PITPNB: variants seen among roughly 807,000 people sequenced by gnomAD.
The protein encoded by PITPNB is phosphatidylinositol transfer protein beta.
PITPNB carries 16 observed loss-of-function variants against 45.9 expected under a neutral mutation model. The ratio of observed to expected loss-of-function variants is 0.35; its 90% CI spans 0.24 to 0.53. PITPNB has a LOEUF of 0.53. Ranked by LOEUF, PITPNB falls within the 20% of genes least tolerant of loss-of-function variation. The pLI is 0.93. For missense variants in PITPNB, 188 were observed against 330.5 expected (o/e 0.57, Z 3.34); for synonymous variants, 112 against 108.9 (o/e 1.03, Z -0.18).
chr22:27,886,526 GCCATGAGTCAAATC>G (rs1474399623), intron 7 of PITPNB, among the ~76,000 whole-genome samples: 6 of 152,178 alleles, frequency 3.9e-5, no homozygotes, highest in Non-Finnish European at 8.8e-5. Flanking sequence ...ATTCAGTTAT[GCCATGAGTCAAATC>G]CCATCTCTTC....
intron 3 of PITPNB, chr22:27,910,459 G>C (rs924040832): frequency 6.6e-6 from 1 of 152,574 alleles, no homozygotes; most frequent in Admixed American, 6.5e-5. Flanking sequence ...GACTTACAAC[G>C]TAGGGAATGG....
At chr22:27,874,213 T>C (rs1015926136) in intron 7 of PITPNB, among the ~76,000 whole-genome samples, 1 of 152,192 alleles carries the variant, frequency 6.6e-6, no homozygotes, top group African/African-American at 2.4e-5. Flanking sequence ...ATGATGACAC[T>C]GGACTGTTAA....
chr22:27,866,135 A>G (rs192566286), intron 8 of PITPNB, among the ~76,000 whole-genome samples: 2 of 152,378 alleles, frequency 1.3e-5, no homozygotes, highest in African/African-American at 2.4e-5. Context: ...AGAACAATCA[A>G]AAGTTCTACA....
chr22:27,860,535 A>G (rs749185180), intron 8 of PITPNB: 6 of 237,728 alleles, frequency 2.5e-5, no homozygotes, highest in Non-Finnish European at 5.1e-5. Flanking sequence ...TTCTATTCAC[A>G]TCAAACCAAT....
intron 7 of PITPNB, among the ~76,000 whole-genome samples, chr22:27,882,298 T>TA (rs1170433363): frequency 2.0e-5 from 3 of 152,028 alleles, no homozygotes; most frequent in East Asian, 1.9e-4. Flanking sequence ...GATTGCTCAC[T>TA]AAAAAAACTC....
chr22:27,875,216 C>A (rs1163936041), intron 7 of PITPNB, among the ~76,000 whole-genome samples: 1 of 152,230 alleles, frequency 6.6e-6, no homozygotes, highest in Non-Finnish European at 1.5e-5. Flanking sequence ...ACAAAAAGGA[C>A]CAACAATAAG....
At chr22:27,870,384 G>C (rs576103436) in intron 8 of PITPNB, among the ~76,000 whole-genome samples, 10 of 152,280 alleles carry the variant, frequency 6.6e-5, no homozygotes, top group African/African-American at 1.9e-4. Context: ...AGACAAGTAA[G>C]GAAAAGTTTC....
Position 27,914,448 on chromosome 22 carries a change from G to A in PITPNB, c.21-101C>T, listed in dbSNP as rs140972939. 130 of 692,904 alleles carry A rather than the reference G, an allele frequency of 1.9e-4. 2 individuals carry two copies. In the East Asian group the frequency reaches 3.6e-3, roughly 19 times the overall value. 42.9% of individuals were successfully genotyped at this position (692,904 alleles called of 1,614,324 possible). A position where few individuals can be genotyped will look rare whatever the true frequency, so the allele number is the denominator to read the frequency against. ...CTTAAATCCAATGATAACAGAGACA[G>A]GTCTCTTAAATCAAAAAAATACAAG... On this transcript the variant is annotated intron_variant, in intron 1 of 11. Transcript: ENST00000335272.
intron 8 of PITPNB, among the ~76,000 whole-genome samples, chr22:27,866,085 A>T (rs1484742000): frequency 1.3e-5 from 2 of 152,244 alleles, no homozygotes; most frequent in African/African-American, 4.8e-5. Flanking sequence ...GAAAATTTAA[A>T]AGGACAACTT....
intron 7 of PITPNB, among the ~76,000 whole-genome samples, chr22:27,875,637 TTC>T (rs1194957447): frequency 1.3e-5 from 2 of 152,228 alleles, no homozygotes; most frequent in African/African-American, 4.8e-5. Flanking sequence ...CAAGCTCATT[TTC>T]TTTTTCAAAC....
chr22:27,895,029 A>C lies in PITPNB; in HGVS notation c.373-391T>G, dbSNP rs79091844. On this transcript the variant is annotated intron_variant, in intron 6 of 11. Transcript: ENST00000335272. ...AACATAAGGTGACATTACAAGTAGA[A>C]TTCAAATGATGCACTGTATGGTCTA... 8.3e-4 allele frequency among the ~76,000 whole-genome samples: 126 copies of C among 152,346 alleles called. 1 individual carries two copies. In the Middle Eastern group the frequency reaches 0.01, roughly 12 times the overall value.
At chr22:27,893,208 A>G (rs1164614449) in intron 7 of PITPNB, among the ~76,000 whole-genome samples, 1 of 152,218 alleles carries the variant, frequency 6.6e-6, no homozygotes, top group Non-Finnish European at 1.5e-5. Context: ...AAACCAAAGC[A>G]GCACTTAGCA....
At chr22:27,854,622 C>G (rs1438380006) in intron 11 of PITPNB, among the ~76,000 whole-genome samples, 1 of 152,196 alleles carries the variant, frequency 6.6e-6, no homozygotes. Flanking sequence ...CAGCTGGGTT[C>G]TAACCCATAA....
chr22:27,905,186 G>T (rs1470244508), intron 3 of PITPNB, among the ~76,000 whole-genome samples: 1 of 152,052 alleles, frequency 6.6e-6, no homozygotes, highest in Non-Finnish European at 1.5e-5. Context: ...TCTCACTCTT[G>T]TCTCCCAGGC....
At chr22:27,896,286 T>G (rs1935428915) in intron 6 of PITPNB, among the ~76,000 whole-genome samples, 1 of 152,228 alleles carries the variant, frequency 6.6e-6, no homozygotes, top group South Asian at 2.1e-4. Context: ...GGGGATTATC[T>G]GTGAATTTTG....
chr22:27,894,770 A>G (rs1935387016), intron 6 of PITPNB, 132 bp from the exon 7 acceptor site: 1 of 492,900 alleles, frequency 2.0e-6, no homozygotes, highest in Admixed American at 3.4e-5. Context: ...TTATTTCATT[A>G]TATTAGCTGT....
chr22:27,896,811 G>A, intron 5 of PITPNB, 185 bp from the exon 6 acceptor site: 2 of 607,982 alleles, frequency 3.3e-6, no homozygotes, highest in East Asian at 2.8e-5. Flanking sequence ...AATGCTACAT[G>A]CTTTTAAATA....
Position 27,894,644 on chromosome 22 carries a change from A to G in PITPNB, c.373-6T>C. On this transcript the variant is annotated splice_polypyrimidine_tract_variant and splice_region_variant and intron_variant, in intron 6 of 11. Transcript: ENST00000335272. ...TTTGGATCTAAACCATGTACCTACC[A>G]ATGACAAAGAGAAAAGAAACAAAAC... The G allele has an allele frequency of 6.5e-7, 1 of 1,540,146 alleles. No homozygotes were observed. Among genetic ancestry groups the G allele is most frequent in the Non-Finnish European group, 9.0e-7 (1 of 1,115,002 alleles).
At chr22:27,865,620 G>A (rs1256750873) in intron 8 of PITPNB, among the ~76,000 whole-genome samples, 6 of 152,120 alleles carry the variant, frequency 3.9e-5, no homozygotes, top group South Asian at 2.1e-4. Context: ...AAGTTCCAGC[G>A]TCTCTGCCTA....
Sources: gnomAD v4.1 joint callset for allele counts (sites outside exome capture counted in the v4.1 genomes callset) on GRCh38, gnomAD v4.1.1 for gene constraint, MANE v1.5 for transcripts, NCBI Gene and HGNC (gene_info 2026-07-23, HGNC 2026-07-21) for gene names.